Variants in WWOX observed in about 807,000 individuals in gnomAD.
WWOX encodes the protein WW domain-containing oxidoreductase.
WWOX carries 69 observed loss-of-function variants against 46.2 expected under a neutral mutation model. The observed-to-expected ratio is 1.49, with a 90% CI of 1.23 to 1.82. The LOEUF (loss-of-function observed/expected upper bound fraction) is 1.82. WWOX is among the 40% of genes most tolerant of loss of function. WWOX has a pLI of 0.00. For missense variants in WWOX, 919 were observed against 542.6 expected, an observed-to-expected ratio of 1.69 and a Z score of -6.89; for synonymous variants, 359 against 202.6, an observed-to-expected ratio of 1.77 and a Z score of -6.56.
chr16:79,094,243 CTTTTTTT>C (rs746687673), intron 8 of WWOX, among the ~76,000 whole-genome samples: 1 of 138,388 alleles, frequency 7.2e-6, no homozygotes, highest in Non-Finnish European at 1.6e-5. Context: ...TGAGGTTTTT[CTTTTTTT>C]TTTTTTTTTC....
chr16:78,336,245 G>T (rs2080884874), intron 5 of WWOX, among the ~76,000 whole-genome samples: 1 of 151,602 alleles, frequency 6.6e-6, no homozygotes, highest in African/African-American at 2.4e-5. Context: ...GGCTGAGGCA[G>T]GCAGATCACC....
At chr16:78,666,173 G>C (rs1481247726) in intron 8 of WWOX, among the ~76,000 whole-genome samples, 1 of 152,052 alleles carries the variant, frequency 6.6e-6, no homozygotes, top group Non-Finnish European at 1.5e-5. Context: ...AGTAGTCCCA[G>C]CTACTCAGGA....
intron 8 of WWOX, among the ~76,000 whole-genome samples, chr16:78,773,211 A>G (rs1338647259): frequency 1.3e-5 from 2 of 152,072 alleles, no homozygotes; most frequent in African/African-American, 4.8e-5. Context: ...CAGTTAATAT[A>G]TATTTGTTCT....
At chr16:78,779,555 T>A (rs1349008232) in intron 8 of WWOX, among the ~76,000 whole-genome samples, 2 of 152,220 alleles carry the variant, frequency 1.3e-5, no homozygotes, top group Non-Finnish European at 2.9e-5. Flanking sequence ...CTCAGCTCTT[T>A]GTACAGATTG....
rs146590228 is a variant in WWOX at position 78,953,736 on chromosome 16, C to G, written c.1057-257872C>G. ...AATGGATAAACTCTTTCCTGGAATGCCTGCTCTCATCACCTGGTTTCAAAG... is the reference window on the plus strand; with the variant it reads ...AATGGATAAACTCTTTCCTGGAATGGCTGCTCTCATCACCTGGTTTCAAAG... On this transcript the variant is annotated intron_variant, in intron 8 of 8. Coordinates refer to ENST00000566780, the MANE Select transcript of WWOX (RefSeq NM_016373.4). Among the ~76,000 whole-genome samples the G allele has an allele frequency of 4.9e-3, 746 of 152,270 alleles. 6 individuals carry two copies. Among genetic ancestry groups the G allele is most frequent in the African/African-American group, 0.016 (644 of 41,546 alleles).
chr16:78,341,581 C>T (rs4075212), intron 5 of WWOX, among the ~76,000 whole-genome samples: 26,778 of 118,392 alleles, frequency 0.23, 8,525 homozygotes, highest in African/African-American at 0.38. Context: ...CTCTGAATCA[C>T]TATTGTCACT....
intron 8 of WWOX, among the ~76,000 whole-genome samples, chr16:78,521,522 T>G (rs933667613): frequency 6.6e-6 from 1 of 152,156 alleles, no homozygotes; most frequent in African/African-American, 2.4e-5. Flanking sequence ...TAATTATGTG[T>G]TTAGGTTTCC....
intron 8 of WWOX, among the ~76,000 whole-genome samples, chr16:78,869,561 G>C (rs1555554008): frequency 6.6e-6 from 1 of 152,188 alleles, no homozygotes; most frequent in Non-Finnish European, 1.5e-5. Flanking sequence ...TGAAACAGCC[G>C]ATTGAAGTGC....
intron 6 of WWOX, among the ~76,000 whole-genome samples, chr16:78,423,324 A>T (rs182893246): frequency 6.6e-6 from 1 of 150,780 alleles, no homozygotes; most frequent in African/African-American, 2.4e-5. Flanking sequence ...AGATTTGTTT[A>T]TGATTTTAAT....
chr16:79,118,784 C>G (rs4888011), intron 8 of WWOX, among the ~76,000 whole-genome samples: 32,865 of 152,160 alleles, frequency 0.22, 4,244 homozygotes, highest in East Asian at 0.54. Flanking sequence ...TTGCCATACG[C>G]CCATTTGGCA....
chr16:78,359,216 G>A (rs994866397), intron 5 of WWOX, among the ~76,000 whole-genome samples: 1 of 152,094 alleles, frequency 6.6e-6, no homozygotes, highest in African/African-American at 2.4e-5. Flanking sequence ...AGGTGAGCTG[G>A]TATCTCCTCT....
chr16:78,660,857 C>T (rs1290010116), intron 8 of WWOX, among the ~76,000 whole-genome samples: 1 of 152,132 alleles, frequency 6.6e-6, no homozygotes, highest in Non-Finnish European at 1.5e-5. Flanking sequence ...TTGTTTATTA[C>T]CTACTTTTTC....
intron 8 of WWOX, among the ~76,000 whole-genome samples, chr16:78,837,076 G>C (rs1018922084): frequency 6.6e-6 from 1 of 152,046 alleles, no homozygotes; most frequent in Admixed American, 6.6e-5. Flanking sequence ...CAGAATTGCA[G>C]ATGGCCCTTT....
intron 6 of WWOX, among the ~76,000 whole-genome samples, chr16:78,413,219 T>G (rs72628248): frequency 2.0e-4 from 31 of 152,140 alleles, no homozygotes; most frequent in Admixed American, 2.0e-3. Flanking sequence ...TCGGAGTCTT[T>G]AAGGAGAAAT....
At chr16:78,227,656 C>T (rs555514129) in intron 5 of WWOX, among the ~76,000 whole-genome samples, 28 of 152,240 alleles carry the variant, frequency 1.8e-4, no homozygotes, top group African/African-American at 6.5e-4. Flanking sequence ...GCGGGTGGAT[C>T]ACTTGAGGCC....
intron 8 of WWOX, among the ~76,000 whole-genome samples, chr16:78,778,208 T>TA (rs1372080520): frequency 6.6e-6 from 1 of 152,150 alleles, no homozygotes; most frequent in Non-Finnish European, 1.5e-5. Flanking sequence ...TTCCTAGCCA[T>TA]ACCAGGCAGC....
chr16:78,592,457 G>C (rs537947450), intron 8 of WWOX, among the ~76,000 whole-genome samples: 13 of 152,314 alleles, frequency 8.5e-5, no homozygotes, highest in African/African-American at 2.9e-4. Flanking sequence ...GATGAGAATG[G>C]AAACATTCCA....
At chr16:79,025,976 T>C (rs1185667600) in intron 8 of WWOX, among the ~76,000 whole-genome samples, 3 of 149,026 alleles carry the variant, frequency 2.0e-5, no homozygotes, top group Admixed American at 6.6e-5. Context: ...TGTTTTTGGA[T>C]TTTTAGTAGA....
intron 5 of WWOX, among the ~76,000 whole-genome samples, chr16:78,243,808 A>T (rs750199800): frequency 6.6e-6 from 1 of 152,202 alleles, no homozygotes; most frequent in Non-Finnish European, 1.5e-5. Context: ...CGGCCTCCCA[A>T]GGTGCTGAGA....
Sources: allele counts gnomAD v4.1 joint callset (sites outside exome capture counted in the v4.1 genomes callset), GRCh38; gene constraint gnomAD v4.1.1; transcripts MANE v1.5; gene names NCBI Gene and HGNC (gene_info 2026-07-23, HGNC 2026-07-21).